Variants in KIF7 observed in about 807,000 individuals in gnomAD.
KIF7 encodes kinesin-like protein KIF7.
In KIF7, 104 loss-of-function variants were observed where a neutral mutation model predicts 135.7. That is an observed-to-expected ratio of 0.77 (90% CI 0.65 to 0.90). The LOEUF is 0.90. Ranked by LOEUF, KIF7 falls within the 40% of genes least tolerant of loss-of-function variation. KIF7 has a pLI of 0.00. For synonymous variants in KIF7, 883 were observed against 809.4 expected (o/e 1.09, Z -1.54); for missense variants, 2,005 against 1,839.1 (o/e 1.09, Z -1.65).
chr15:89,644,885 G>T, intron 10 of KIF7, 128 bp downstream of exon 10: 1 of 1,227,044 alleles, frequency 8.1e-7, no homozygotes, highest in Non-Finnish European at 1.2e-6. Context: ...GCTGGGCTGA[G>T]TATCAAACCT....
At chr15:89,640,351 G>A (rs1003580580) in intron 11 of KIF7, among the ~76,000 whole-genome samples, 5 of 151,938 alleles carry the variant, frequency 3.3e-5, no homozygotes, top group South Asian at 2.1e-4. Context: ...TAAATACTAC[G>A]ACATTTACGC....
intron 12 of KIF7, 57 bp from the exon 13 acceptor site, chr15:89,633,323 C>G: frequency 6.5e-7 from 1 of 1,535,962 alleles, no homozygotes; most frequent in Non-Finnish European, 8.7e-7. Flanking sequence ...TTACCAGAGC[C>G]TGCCACCGAT....
At chr15:89,648,010 C>A (rs1964046671) in intron 5 of KIF7, among the ~76,000 whole-genome samples, 1 of 152,212 alleles carries the variant, frequency 6.6e-6, no homozygotes, top group African/African-American at 2.4e-5. Flanking sequence ...ACACCCTCAG[C>A]CCTTACAACA....
intron 10 of KIF7, among the ~76,000 whole-genome samples, chr15:89,644,228 A>G (rs1417825157): frequency 1.3e-5 from 2 of 152,046 alleles, no homozygotes; most frequent in Non-Finnish European, 2.9e-5. Context: ...AGCACCTAAA[A>G]CTACCCCGTG....
In KIF7 at chr15:89,629,089, C is replaced by CT. The variant is rs766923871; in HGVS notation, c.3550dup (p.Arg1184LysfsTer4). ...AGCTTGAATCCGGGCCTCATACTGC[C>CT]TCCTGCTGTCTGCTAACCCTTCACC... On this transcript the variant is annotated frameshift_variant, in exon 18 of 19. Transcript: ENST00000394412. LOFTEE classifies it high-confidence loss of function. The CT allele has an allele frequency of 6.2e-7, 1 of 1,613,080 alleles. No individual in the cohort carries two copies. The highest frequency in any genetic ancestry group is 8.5e-7 in the Non-Finnish European group (1 of 1,179,910).
upstream of KIF7, among the ~76,000 whole-genome samples, chr15:89,660,104 A>G (rs1165412085): frequency 1.3e-5 from 2 of 152,204 alleles, no homozygotes; most frequent in African/African-American, 2.4e-5. Context: ...AGGCTGAGGC[A>G]GGAAAATCGC....
intron 11 of KIF7, among the ~76,000 whole-genome samples, chr15:89,639,091 T>C (rs1269816035): frequency 6.6e-6 from 1 of 151,960 alleles, no homozygotes; most frequent in African/African-American, 2.4e-5. Flanking sequence ...TAGCCATATG[T>C]AGAAAGCTGA....
Position 89,642,380 on chromosome 15 carries a change from G to T in KIF7, c.2217C>A (p.Arg739=), listed in dbSNP as rs745932098. The T allele has an allele frequency of 1.9e-6, 3 of 1,605,550 alleles. No homozygotes were observed. Among genetic ancestry groups the T allele is most frequent in the Non-Finnish European group, 2.5e-6 (3 of 1,176,864 alleles). Residue 739 remains arginine, a synonymous_variant, in exon 11 of 19, where the codon CGC becomes CGA. Transcript: ENST00000394412. ...RTGKAAQALN[R]QHSQRIRELE... Reference sequence around the variant, plus strand: ...GCTCCCGGATACGCTGGCTGTGCTGGCGGTTCAGGGCCTGAGCTGCCTTTC... The same window carrying T: ...GCTCCCGGATACGCTGGCTGTGCTGTCGGTTCAGGGCCTGAGCTGCCTTTC...
At chr15:89,630,637 G>C (rs945486416) in intron 15 of KIF7, 144 bp from the exon 16 acceptor site, 6 of 721,432 alleles carry the variant, frequency 8.3e-6, no homozygotes, top group Non-Finnish European at 1.5e-5. Flanking sequence ...CATCGAGAGA[G>C]GTGCCCCCTG....
chr15:89,631,642 C>A lies in KIF7; in HGVS notation c.2964G>T (p.Lys988Asn). ...LEHLEKELSEKSGQLRQGSAQ... is the reference protein window; with the variant it reads ...LEHLEKELSENSGQLRQGSAQ... ...CGCTGCCCTGCCGCAGCTGCCCGCT[C>A]TTCTCGGACAGCTCCTTCTCCAGGT... Residue 988 changes from lysine to asparagine, a missense_variant, in exon 15 of 19, where the codon AAG (lysine) becomes AAT (asparagine). Physicochemically the swap from Lys to Asn is moderately conservative, Grantham distance 94 (BLOSUM62 0). Coordinates refer to ENST00000394412, the MANE Select transcript of KIF7 (RefSeq NM_198525.3). 3 of 1,562,748 alleles carry A rather than the reference C, an allele frequency of 1.9e-6. No individual in the cohort carries two copies. Among genetic ancestry groups the A allele is most frequent in the East Asian group, 2.4e-5 (1 of 41,658 alleles).
chr15:89,628,911 G>C (rs956200676), intron 18 of KIF7, 65 bp downstream of exon 18: 3 of 1,612,330 alleles, frequency 1.9e-6, no homozygotes, highest in Non-Finnish European at 8.5e-7. Context: ...TCGAGGGAGA[G>C]TGGTCTCTAA....
chr15:89,625,026 A>C (rs779327500), downstream of KIF7: 3 of 1,613,892 alleles, frequency 1.9e-6, no homozygotes, highest in East Asian at 6.7e-5. Context: ...GCCTTCCCAA[A>C]CTTCGAATTA....
rs201713717 is a variant in KIF7, at chr15:89,631,498, G to C, written c.3108C>G (p.Pro1036=). 1 of 1,571,300 alleles carries C rather than the reference G, an allele frequency of 6.4e-7. No homozygotes were observed. The highest frequency in any genetic ancestry group is 8.6e-7 in the Non-Finnish European group (1 of 1,158,426). ...GAGCCATGGGGCCGCAGGGTACCTC[G>C]GGGGACAGCAGACTCCCCTGCCTCA... ...GKLRQGSLLS[P]EEERTLFQLD... is the part of the protein sequence containing the mutation. Residue 1036 remains proline (P), a synonymous_variant, in exon 15 of 19, where the codon CCC becomes CCG. Coordinates refer to ENST00000394412, the MANE Select transcript of KIF7 (RefSeq NM_198525.3).
In KIF7 at chr15:89,631,688, C is replaced by T. The variant is rs762483775; in HGVS notation, c.2918G>A (p.Arg973Gln). ...SSQALNEDIV[R>Q]VSSRLEHLEK... is the part of the protein sequence containing the mutation. ...CAGGTGCTCCAGCCGGCTGGACACT[C>T]GCACGATGTCCTCGTTGAGGGCCTG... Residue 973 changes from arginine (R) to glutamine (Q), a missense_variant, in exon 15 of 19, where the codon CGA becomes CAA. Transcript: ENST00000394412. The T allele has an allele frequency of 1.7e-5, 27 of 1,555,526 alleles. No individual in the cohort carries two copies. The highest frequency in any genetic ancestry group is 8.2e-5 in the African/African-American group (6 of 73,268).
upstream of KIF7, among the ~76,000 whole-genome samples, chr15:89,660,366 C>T (rs1964245797): frequency 6.6e-6 from 1 of 152,172 alleles, no homozygotes; most frequent in African/African-American, 2.4e-5. Context: ...TCCCATCCCC[C>T]TTTTAAACCA....
intron 3 of KIF7, 138 bp from the exon 4 acceptor site, chr15:89,649,505 CT>C: frequency 6.2e-6 from 7 of 1,120,762 alleles, no homozygotes; most frequent in Non-Finnish European, 8.6e-6. Flanking sequence ...GGGTACTGCC[CT>C]TCCTAGTTCC....
At chr15:89,626,135 C>T (rs532530068), downstream of KIF7, 19 of 1,571,244 alleles carry the variant, frequency 1.2e-5, no homozygotes, top group South Asian at 8.3e-5. Flanking sequence ...CCAGGCAGCT[C>T]GATTCTAGAG....
At chr15:89,624,137 G>C (rs202052132), downstream of KIF7, 3 of 1,613,682 alleles carry the variant, frequency 1.9e-6, no homozygotes, top group Non-Finnish European at 1.7e-6. Flanking sequence ...AGAGCTGCTC[G>C]GGCAGAGGAA....
chr15:89,633,741 G>T lies in KIF7; in HGVS notation c.2537C>A (p.Thr846Lys), dbSNP rs151034440. The T allele has an allele frequency of 8.7e-6, 14 of 1,609,218 alleles. No homozygotes were observed. In the South Asian group the frequency reaches 1.1e-4, roughly 13 times the overall value. ...GQLQRRLREE[T>K]EQKRRLEAEM... ...TGCCTCCAGGCGCCGCTTCTGCTCC[G>T]TCTCCTCGCGAAGCCGCCTCTGCAG... The change falls in exon 12 of 19, where the codon ACG becomes AAG. Residue 846 changes from threonine to lysine, a missense_variant. Thr to Lys is a moderately conservative substitution (Grantham distance 78). Transcript: ENST00000394412.
Sources: allele counts gnomAD v4.1 joint callset (sites outside exome capture counted in the v4.1 genomes callset), GRCh38; gene constraint gnomAD v4.1.1; transcripts MANE v1.5; gene names NCBI Gene and HGNC (gene_info 2026-07-23, HGNC 2026-07-21).